PTPRD: variants seen among roughly 807,000 people sequenced by gnomAD.
PTPRD encodes receptor-type tyrosine-protein phosphatase delta.
In PTPRD, 34 loss-of-function variants were observed where a neutral mutation model predicts 214.5. That is an observed-to-expected ratio of 0.16 (90% CI 0.12 to 0.21). The LOEUF (loss-of-function observed/expected upper bound fraction) is 0.21. Among genes scored for constraint, PTPRD ranks in the 10% least tolerant of loss-of-function variants. The pLI, the probability that PTPRD is intolerant of heterozygous loss-of-function variation, is 1.00. For synonymous variants in PTPRD, 1,128 were observed against 845.7 expected (o/e 1.33, Z -5.79); for missense variants, 2,545 against 2,398.7 (o/e 1.06, Z -1.27).
chr9:8,954,909 T>C (rs934849947), intron 11 of PTPRD, among the ~76,000 whole-genome samples: 4 of 151,918 alleles, frequency 2.6e-5, no homozygotes, highest in Non-Finnish European at 5.9e-5. Flanking sequence ...CCAAAGTTGG[T>C]TATCACTACA....
Position 10,230,527 on chromosome 9 carries a change from G to C in PTPRD, c.-545+110436C>G, listed in dbSNP as rs1324742581. On this transcript the variant is annotated intron_variant, in intron 3 of 45. Transcript: ENST00000381196. ...TCTATGTATCTATCTATCAAGCACTGAGATCAGGGAAATGTATTTGTGGTT... is the reference window on the plus strand; with the variant it reads ...TCTATGTATCTATCTATCAAGCACTCAGATCAGGGAAATGTATTTGTGGTT... Among the ~76,000 whole-genome samples, 16 of 151,520 alleles carry C rather than the reference G, an allele frequency of 1.1e-4. No individual in the cohort carries two copies. The South Asian group carries it at 1.3e-3, about 12-fold the overall frequency.
intron 5 of PTPRD, among the ~76,000 whole-genome samples, chr9:9,871,312 A>G (rs1419552018): frequency 6.6e-6 from 1 of 152,182 alleles, no homozygotes; most frequent in African/African-American, 2.4e-5. Flanking sequence ...GGTAATGACA[A>G]TTGCACAAGA....
At chr9:10,100,314 C>T (rs1219450119) in intron 3 of PTPRD, among the ~76,000 whole-genome samples, 1 of 151,624 alleles carries the variant, frequency 6.6e-6, no homozygotes, top group African/African-American at 2.4e-5. Context: ...ATATTATCCT[C>T]AATCTATAGA....
At chr9:9,037,216 G>T (rs920596664) in intron 10 of PTPRD, among the ~76,000 whole-genome samples, 2 of 152,120 alleles carry the variant, frequency 1.3e-5, no homozygotes, top group African/African-American at 4.8e-5. Flanking sequence ...GGATTTTAGA[G>T]ATAATTTAGT....
At chr9:8,827,911 T>A (rs2097207800) in intron 11 of PTPRD, among the ~76,000 whole-genome samples, 1 of 152,162 alleles carries the variant, frequency 6.6e-6, no homozygotes, top group Non-Finnish European at 1.5e-5. Flanking sequence ...ATATCTACAT[T>A]TTTATATTAA....
chr9:10,015,269 C>T (rs1320855859), intron 4 of PTPRD, among the ~76,000 whole-genome samples: 1 of 151,996 alleles, frequency 6.6e-6, no homozygotes, highest in East Asian at 1.9e-4. Flanking sequence ...TTTTCAGCAA[C>T]AAAAATATGT....
rs147406350 is a variant in PTPRD at position 9,096,667 on chromosome 9, G to A, written c.-142-77932C>T. ...ATAATACTCATATATCCTTTACCCAGATGATATAGATACAGATTAATCACA... is the reference window on the plus strand; with the variant it reads ...ATAATACTCATATATCCTTTACCCAAATGATATAGATACAGATTAATCACA... On this transcript the variant is annotated intron_variant, in intron 10 of 45. Coordinates refer to ENST00000381196, the MANE Select transcript of PTPRD (RefSeq NM_002839.4). Among the ~76,000 whole-genome samples the A allele has an allele frequency of 6.1e-3, 927 of 152,202 alleles. 3 individuals are homozygous for A. The highest frequency in any genetic ancestry group is 0.011 in the Non-Finnish European group (729 of 68,014).
At chr9:9,186,659 T>A (rs879324661) in intron 9 of PTPRD, among the ~76,000 whole-genome samples, 13 of 123,676 alleles carry the variant, frequency 1.1e-4, no homozygotes, top group African/African-American at 1.9e-4. Context: ...TCTCTCTCTC[T>A]CTCTCTCACA....
intron 6 of PTPRD, among the ~76,000 whole-genome samples, chr9:9,740,458 C>T (rs1453230262): frequency 6.6e-6 from 1 of 151,746 alleles, no homozygotes; most frequent in Non-Finnish European, 1.5e-5. Context: ...CCCGGGTTCA[C>T]GCCATTCTCC....
chr9:8,863,745 T>G (rs2098147014), intron 11 of PTPRD, among the ~76,000 whole-genome samples: 1 of 152,214 alleles, frequency 6.6e-6, no homozygotes, highest in Non-Finnish European at 1.5e-5. Context: ...AACACATTTC[T>G]GTCACCTTAA....
chr9:8,449,781 G>C lies in PTPRD; in HGVS notation c.3932C>G (p.Pro1311Arg), dbSNP rs1003125724. 6.2e-7 allele frequency: 1 copy of C among 1,614,078 alleles called. No individual in the cohort carries two copies. The highest frequency in any genetic ancestry group is 1.3e-5 in the African/African-American group (1 of 75,016). ...TACAGGGTCTGTTGGGTGGTGTGAAGGGATCTCCTTATTGTTCGGTATGCT... is the reference window on the plus strand; with the variant it reads ...TACAGGGTCTGTTGGGTGGTGTGAACGGATCTCCTTATTGTTCGGTATGCT... Reference protein sequence around the residue: ...KSSIPNNKEIPSHHPTDPVEL... With the variant: ...KSSIPNNKEIRSHHPTDPVEL... The change falls in exon 34 of 46, where the codon CCT (proline) becomes CGT (arginine). Residue 1311 changes from proline (P) to arginine (R), a missense_variant. Physicochemically the swap from Pro to Arg is moderately radical, Grantham distance 103. Transcript: ENST00000381196.
intron 12 of PTPRD, among the ~76,000 whole-genome samples, chr9:8,684,164 T>C (rs1019039743): frequency 6.6e-6 from 1 of 152,226 alleles, no homozygotes; most frequent in African/African-American, 2.4e-5. Context: ...TGTCTTTTTA[T>C]AAGCTACCAA....
intron 8 of PTPRD, among the ~76,000 whole-genome samples, chr9:9,429,438 C>T (rs1257089089): frequency 6.6e-6 from 1 of 152,120 alleles, no homozygotes; most frequent in Admixed American, 6.6e-5. Context: ...AAGTCCATGA[C>T]CAGATGGATT....
intron 11 of PTPRD, among the ~76,000 whole-genome samples, chr9:9,004,897 T>G (rs1465182099): frequency 6.6e-6 from 1 of 152,018 alleles, no homozygotes; most frequent in African/African-American, 2.4e-5. Flanking sequence ...TTATTTTCAG[T>G]GTAAGTTTTG....
intron 8 of PTPRD, among the ~76,000 whole-genome samples, chr9:9,399,462 G>C (rs2069276211): frequency 6.6e-6 from 1 of 151,958 alleles, no homozygotes; most frequent in Admixed American, 6.6e-5. Flanking sequence ...ATGCTACTCA[G>C]TAATTTAAAA....
intron 9 of PTPRD, among the ~76,000 whole-genome samples, chr9:9,233,047 C>T (rs1275421478): frequency 1.3e-5 from 2 of 152,250 alleles, no homozygotes; most frequent in South Asian, 2.1e-4. Context: ...GGGCCCTACT[C>T]AGTCCCTGGG....
intron 5 of PTPRD, among the ~76,000 whole-genome samples, chr9:9,774,707 C>A (rs1190791755): frequency 6.6e-6 from 1 of 152,096 alleles, no homozygotes; most frequent in African/African-American, 2.4e-5. Flanking sequence ...CATATAGAAG[C>A]CTTGAGGGAG....
chr9:9,116,800 T>A (rs1348625895), intron 10 of PTPRD, among the ~76,000 whole-genome samples: 1 of 152,118 alleles, frequency 6.6e-6, no homozygotes, highest in Admixed American at 6.6e-5. Flanking sequence ...CTTCAATTAT[T>A]ATCTCCTCCA....
At chr9:8,922,681 GCT>G (rs2098835715) in intron 11 of PTPRD, among the ~76,000 whole-genome samples, 1 of 151,308 alleles carries the variant, frequency 6.6e-6, no homozygotes, top group Admixed American at 6.6e-5. Flanking sequence ...TCCCTCTGAT[GCT>G]CTGTCTGCAC....
Sources: allele counts gnomAD v4.1 joint callset (sites outside exome capture counted in the v4.1 genomes callset), GRCh38; gene constraint gnomAD v4.1.1; transcripts MANE v1.5; gene names NCBI Gene and HGNC (gene_info 2026-07-23, HGNC 2026-07-21).